Variants in CACNA1A observed in about 807,000 individuals in gnomAD.
CACNA1A encodes calcium voltage-gated channel subunit alpha1 A.
CACNA1A carries 57 observed loss-of-function variants against 262.4 expected under a neutral mutation model. The observed-to-expected ratio is 0.22, with a 90% CI of 0.18 to 0.27. The LOEUF is 0.27. Among genes scored for constraint, CACNA1A ranks in the 10% least tolerant of loss-of-function variants. CACNA1A has a pLI of 1.00. For missense variants in CACNA1A, 2,526 were observed against 3,562.8 expected, an observed-to-expected ratio of 0.71 and a Z score of 7.41; for synonymous variants, 1,431 against 1,419.3, an observed-to-expected ratio of 1.01 and a Z score of -0.18.
chr19:13,428,371 A>G (rs2060443210), intron 3 of CACNA1A, among the ~76,000 whole-genome samples: 1 of 152,228 alleles, frequency 6.6e-6, no homozygotes, highest in Admixed American at 6.5e-5. Flanking sequence ...CTGAAGTTTT[A>G]CAAGGGCAGA....
chr19:13,336,594 G>GGAGA (rs547329827), intron 6 of CACNA1A, among the ~76,000 whole-genome samples: 2,613 of 65,418 alleles, frequency 0.04, 103 homozygotes, highest in Non-Finnish European at 0.045. Flanking sequence ...AGAGAGAGAG[G>GGAGA]GAGAGAGAGA....
In CACNA1A at chr19:13,227,536, A is replaced by G. The variant is rs1167333650; in HGVS notation, c.5529-9T>C. 2 of 1,528,740 alleles carry G rather than the reference A, an allele frequency of 1.3e-6. No homozygotes were observed. The highest frequency in any genetic ancestry group is 2.3e-5 in the East Asian group (1 of 43,162). 94.7% of individuals were successfully genotyped at this position (1,528,740 alleles called of 1,614,324 possible). ...GGTAAGGCATGCGGCCCCTGGCAGCACCGAAAATGAAAAAAACAAAAACAA... is the reference window on the plus strand; with the variant it reads ...GGTAAGGCATGCGGCCCCTGGCAGCGCCGAAAATGAAAAAAACAAAAACAA... On this transcript the variant is annotated splice_polypyrimidine_tract_variant and intron_variant, in intron 36 of 46. Transcript: ENST00000360228.
chr19:13,227,552 A>T, intron 36 of CACNA1A, 25 bp from the exon 37 acceptor site: 1 of 1,389,498 alleles, frequency 7.2e-7, no homozygotes, highest in South Asian at 1.3e-5. Flanking sequence ...AATGAAAAAA[A>T]CAAAAACAAA....
At chr19:13,310,472 A>AT (rs2058000931) in intron 12 of CACNA1A, among the ~76,000 whole-genome samples, 6 of 45,202 alleles carry the variant, frequency 1.3e-4, no homozygotes, top group African/African-American at 4.7e-4. Context: ...AAAAAAAAAA[A>AT]AAAAAAAAAA....
intron 22 of CACNA1A, among the ~76,000 whole-genome samples, chr19:13,281,954 C>A (rs2057302708): frequency 6.6e-6 from 1 of 152,230 alleles, no homozygotes; most frequent in African/African-American, 2.4e-5. Flanking sequence ...GAAGGCAACG[C>A]CTTCTTCAGC....
chr19:13,254,969 C>A, intron 29 of CACNA1A, 126 bp downstream of exon 29: 1 of 991,310 alleles, frequency 1.0e-6, no homozygotes, highest in Non-Finnish European at 1.5e-6. Flanking sequence ...ACAGCAGGAA[C>A]AAAATCTCAG....
At chr19:13,465,594 C>G (rs901723621) in intron 1 of CACNA1A, among the ~76,000 whole-genome samples, 4 of 152,232 alleles carry the variant, frequency 2.6e-5, no homozygotes, top group Middle Eastern at 3.4e-3. Flanking sequence ...AATCGATCCT[C>G]TCGCCTCAGT....
At chr19:13,424,114 C>T (rs985416287) in intron 3 of CACNA1A, among the ~76,000 whole-genome samples, 2 of 152,048 alleles carry the variant, frequency 1.3e-5, no homozygotes, top group Non-Finnish European at 2.9e-5. Flanking sequence ...TTTGGGAGGC[C>T]GAGGCTGGCA....
At position 13,207,932 on chromosome 19, in the gene CACNA1A, G is replaced by A; in HGVS notation, c.6902C>T (p.Pro2301Leu). ...CGAGCCGCCGGCCTTACGGATCACAGGGGAATAGGACACGTGTGGCCGGGG... is the reference window on the plus strand; with the variant it reads ...CGAGCCGCCGGCCTTACGGATCACAAGGGAATAGGACACGTGTGGCCGGGG... ...STPRPHVSYSPVIRKAGGSGP... is the reference protein window; with the variant it reads ...STPRPHVSYSLVIRKAGGSGP... Residue 2301 changes from proline (P) to leucine (L), a missense_variant, in exon 47 of 47, where the codon CCT becomes CTT. Physicochemically the swap from Pro to Leu is moderately conservative, Grantham distance 98. Coordinates refer to ENST00000360228, the MANE Select transcript of CACNA1A (RefSeq NM_001127222.2). This position sits in a 1 kb window ranked among gnomAD's most constrained non-coding sequence, Gnocchi z 5.7. 6.9e-7 allele frequency: 1 copy of A among 1,445,312 alleles called. No individual in the cohort carries two copies. The highest frequency in any genetic ancestry group is 9.1e-7 in the Non-Finnish European group (1 of 1,104,958). The allele number at this position is 1,445,312 out of a possible 1,614,324, so 89.5% of individuals were successfully genotyped here. A position where few individuals can be genotyped will look rare whatever the true frequency, so the allele number is the denominator to read the frequency against.
intron 3 of CACNA1A, among the ~76,000 whole-genome samples, chr19:13,413,895 A>AAAAGAAAG (rs57341945): frequency 0.083 from 9,891 of 119,058 alleles, 617 homozygotes; most frequent in Middle Eastern, 0.1. Flanking sequence ...GAAAGAAAGA[A>AAAAGAAAG]AAAGAAAGAA....
intron 6 of CACNA1A, among the ~76,000 whole-genome samples, chr19:13,347,149 C>T (rs2058807411): frequency 6.6e-6 from 1 of 151,036 alleles, no homozygotes. Context: ...GCCCCAACCT[C>T]CCAGGCTCAA....
chr19:13,229,312 GC>G (rs945880279), intron 36 of CACNA1A, among the ~76,000 whole-genome samples: 1 of 152,092 alleles, frequency 6.6e-6, no homozygotes, highest in Non-Finnish European at 1.5e-5. Flanking sequence ...GCTGCTGAGG[GC>G]CCCCCAGTAA....
At position 13,447,823 on chromosome 19, in the gene CACNA1A, T is replaced by C. The variant is rs529637256; in HGVS notation, c.539+5053A>G. ...AGGCCAGAAGACTCAGCAAGTCTACTCTTTCCAACTTCTTCTGCCTGCTTT... is the reference window on the plus strand; with the variant it reads ...AGGCCAGAAGACTCAGCAAGTCTACCCTTTCCAACTTCTTCTGCCTGCTTT... On this transcript the variant is annotated intron_variant, in intron 3 of 46. Transcript: ENST00000360228. Among the ~76,000 whole-genome samples, 59 of 152,304 alleles carry C rather than the reference T, an allele frequency of 3.9e-4. 1 individual carries two copies. The South Asian group carries it at 0.012, about 31-fold the overall frequency.
intron 3 of CACNA1A, among the ~76,000 whole-genome samples, chr19:13,435,513 C>A (rs2060595000): frequency 6.6e-6 from 1 of 152,038 alleles, no homozygotes; most frequent in Admixed American, 6.6e-5. Context: ...CAGAGGTCAG[C>A]AGAGCAGCAG....
intron 3 of CACNA1A, among the ~76,000 whole-genome samples, chr19:13,413,363 C>T (rs181528371): frequency 1.3e-5 from 2 of 151,452 alleles, no homozygotes; most frequent in Non-Finnish European, 2.9e-5. Context: ...GCCTTGGCCT[C>T]CCAAAGTGCT....
chr19:13,404,438 G>A (rs963749290), intron 3 of CACNA1A, among the ~76,000 whole-genome samples: 4 of 152,120 alleles, frequency 2.6e-5, no homozygotes, highest in African/African-American at 7.2e-5. Flanking sequence ...CAGTGCTGGC[G>A]CTGGAGTCAA....
In CACNA1A at chr19:13,212,033, G is replaced by C. The variant is rs573120400; in HGVS notation, c.6303+70C>G. On this transcript the variant is annotated intron_variant, in intron 43 of 46. Coordinates refer to ENST00000360228, the MANE Select transcript of CACNA1A (RefSeq NM_001127222.2). The surrounding 1 kb of genome is among the most constrained non-coding windows in gnomAD (Gnocchi z 5.6). ...AGGGAGGGGATGCACTGGGCTGCTT[G>C]TGGGGGGGCCTGGCCCTACCCAGTG... is the stretch of plus-strand genomic sequence containing the variant. The C allele has an allele frequency of 8.0e-6, 9 of 1,128,928 alleles. No individual in the cohort carries two copies. The highest frequency in any genetic ancestry group is 7.6e-5 in the African/African-American group (5 of 65,902). The allele number at this position is 1,128,928 out of a possible 1,614,324, so 69.9% of individuals were successfully genotyped here. A position where few individuals can be genotyped will look rare whatever the true frequency, so the allele number is the denominator to read the frequency against.
intron 3 of CACNA1A, among the ~76,000 whole-genome samples, chr19:13,404,044 G>A (rs546476259): frequency 6.6e-6 from 1 of 152,086 alleles, no homozygotes; most frequent in South Asian, 2.1e-4. Context: ...GTGATCTTGG[G>A]GCAGTAACGT....
At chr19:13,458,890 T>G (rs970831369) in intron 1 of CACNA1A, among the ~76,000 whole-genome samples, 4 of 152,166 alleles carry the variant, frequency 2.6e-5, no homozygotes, top group African/African-American at 9.7e-5. Context: ...AGCGGCTGCT[T>G]GAGTGAAAAA....
Sources: gnomAD v4.1 joint callset for allele counts (sites outside exome capture counted in the v4.1 genomes callset) on GRCh38, gnomAD v4.1.1 for gene constraint, Gnocchi (gnomAD v3.1) non-coding constraint, MANE v1.5 for transcripts, NCBI Gene and HGNC (gene_info 2026-07-23, HGNC 2026-07-21) for gene names.